CC2D1A: variants seen among roughly 807,000 people sequenced by gnomAD.
CC2D1A encodes the protein coiled-coil and C2 domain containing 1A.
In CC2D1A, 68 loss-of-function variants were observed where a neutral mutation model predicts 123.8. The ratio of observed to expected loss-of-function variants is 0.55; its 90% CI spans 0.45 to 0.67. The LOEUF (loss-of-function observed/expected upper bound fraction) is 0.67. Ranked by LOEUF, CC2D1A falls within the 30% of genes least tolerant of loss-of-function variation. The pLI is 0.00. For synonymous variants in CC2D1A, 477 were observed against 528.0 expected, an observed-to-expected ratio of 0.90 and a Z score of 1.32; for missense variants, 1,185 against 1,290.3, an observed-to-expected ratio of 0.92 and a Z score of 1.25.
chr19:13,912,500 A>T (rs748423100), intron 3 of CC2D1A, 28 bp from the exon 4 acceptor site: 1 of 1,613,932 alleles, frequency 6.2e-7, no homozygotes, highest in African/African-American at 1.3e-5. Flanking sequence ...AGGCCCTTAT[A>T]TCCTGCCCTG....
intron 14 of CC2D1A, among the ~76,000 whole-genome samples, 173 bp downstream of exon 14, chr19:13,921,095 A>T (rs2145340571): frequency 6.6e-6 from 1 of 152,336 alleles, no homozygotes; most frequent in African/African-American, 2.4e-5. Context: ...TCTTGCATGT[A>T]CCACCCAGGG....
chr19:13,908,875 T>C (rs979084632), intron 1 of CC2D1A, among the ~76,000 whole-genome samples: 2 of 151,750 alleles, frequency 1.3e-5, no homozygotes, highest in Non-Finnish European at 2.9e-5. Context: ...TCCTTCTTTT[T>C]TTCCTTCCTT....
Position 13,909,978 on chromosome 19 carries a change from C to A in CC2D1A, c.196+20C>A. 6.7e-7 allele frequency: 1 copy of A among 1,503,020 alleles called. No individual in the cohort carries two copies. The highest frequency in any genetic ancestry group is 1.4e-5 in the South Asian group (1 of 73,036). 93.1% of individuals were successfully genotyped at this position (1,503,020 alleles called of 1,614,324 possible). On this transcript the variant is annotated intron_variant, in intron 2 of 28. Coordinates refer to ENST00000318003, the MANE Select transcript of CC2D1A (RefSeq NM_017721.5). ...GCAAAGGTGAGATGGTTAACACACC[C>A]TCAGAACATTTTCTGATCTCCTGCA...
Position 13,929,414 on chromosome 19 carries a change from C to G in CC2D1A, c.2555C>G (p.Ala852Gly). ...ARPLHSLSVL[A>G]FDQERLERKI... Reference sequence around the variant, plus strand: ...CCCCTGCATAGCCTCAGTGTGCTGGCGTTTGACCAAGAGCGTCTGGAGCGG... The same window carrying G: ...CCCCTGCATAGCCTCAGTGTGCTGGGGTTTGACCAAGAGCGTCTGGAGCGG... Residue 852 changes from alanine to glycine, a missense_variant, in exon 25 of 29, where the codon GCG becomes GGG. Ala to Gly is a moderately conservative substitution (Grantham distance 60, BLOSUM62 0). Transcript: ENST00000318003. The G allele has an allele frequency of 6.2e-7, 1 of 1,613,490 alleles. No homozygotes were observed. The highest frequency in any genetic ancestry group is 1.1e-5 in the South Asian group (1 of 91,068).
chr19:13,907,947 A>G (rs773238793), intron 1 of CC2D1A, among the ~76,000 whole-genome samples: 1 of 152,206 alleles, frequency 6.6e-6, no homozygotes, highest in Non-Finnish European at 1.5e-5. Flanking sequence ...ATTGGTCATT[A>G]GCCAAGATAG....
intron 4 of CC2D1A, 61 bp from the exon 5 acceptor site, chr19:13,913,107 G>A: frequency 6.7e-7 from 1 of 1,490,126 alleles, no homozygotes; most frequent in Admixed American, 2.4e-5. Flanking sequence ...ACTGCAGAAG[G>A]GGCTAACAGG....
In CC2D1A at chr19:13,926,982, C is replaced by G. The variant is rs746319772; in HGVS notation, c.2130C>G (p.Phe710Leu). Residue 710 changes from phenylalanine (F) to leucine (L), a missense_variant, in exon 21 of 29, where the codon TTC (phenylalanine) becomes TTG (leucine). Transcript: ENST00000318003. The stretch of plus-strand genomic sequence containing the variant: ...TCTCCCTCCTTCCTCCTGCAGAGTT[C>G]AAGGAGCAGTTCAAACTCTGCATCA... ...SVIKNTDSPE[F>L]KEQFKLCINR... 6.8e-6 allele frequency: 11 copies of G among 1,613,896 alleles called. No homozygotes were observed. Among genetic ancestry groups the G allele is most frequent in the Non-Finnish European group, 8.5e-6 (10 of 1,179,832 alleles).
chr19:13,913,526 C>A lies in CC2D1A; in HGVS notation c.636C>A (p.Thr212=), dbSNP rs372760536. 7.6e-5 allele frequency: 123 copies of A among 1,614,156 alleles called. 1 individual carries two copies. The African/African-American group carries it at 1.5e-3, about 19-fold the overall frequency. The part of the protein sequence containing the change: ...ASTPTYSPAP[T]QPAPRIASAP... ...CGCCTACCTACAGCCCTGCACCCAC[C>A]CAGCCGGCCCCTAGAATCGCGTCAG... Residue 212 remains threonine, a synonymous_variant, in exon 6 of 29, where the codon ACC becomes ACA. Transcript: ENST00000318003.
chr19:13,925,933 A>AAAAAT (rs1315518981), intron 17 of CC2D1A, among the ~76,000 whole-genome samples: 75 of 91,034 alleles, frequency 8.2e-4, no homozygotes, highest in African/African-American at 4.2e-3. Flanking sequence ...AAAAAAAAAA[A>AAAAAT]ATATATATAT....
chr19:13,909,581 G>A, intron 1 of CC2D1A: 1 of 575,336 alleles, frequency 1.7e-6, no homozygotes, highest in South Asian at 1.6e-5. Flanking sequence ...CATCATAAGT[G>A]TGGATTCAGA....
At chr19:13,921,505 C>T (rs888024324) in intron 14 of CC2D1A, among the ~76,000 whole-genome samples, 2 of 152,086 alleles carry the variant, frequency 1.3e-5, no homozygotes, top group African/African-American at 2.4e-5. Context: ...GATGGCCACC[C>T]CTGCCTCAAA....
At chr19:13,912,026 T>A (rs764709854) in intron 2 of CC2D1A, among the ~76,000 whole-genome samples, 37 of 152,078 alleles carry the variant, frequency 2.4e-4, no homozygotes, top group Non-Finnish European at 4.1e-4. Context: ...AATTTTTGTA[T>A]TTTTAGTAGA....
chr19:13,918,781 C>T lies in CC2D1A; in HGVS notation c.982C>T (p.Gln328Ter). The T allele has an allele frequency of 6.2e-7, 1 of 1,613,488 alleles. No homozygotes were observed. Among genetic ancestry groups the T allele is most frequent in the Non-Finnish European group, 8.5e-7 (1 of 1,179,748 alleles). ...CCCAGACCCACCGTCACCACCGTCG[C>T]AGCCTCCGACCCCCGCTACGGCGCC... is the stretch of plus-strand genomic sequence containing the variant. ...LPPDPPSPPS[Q>*]PPTPATAPST... The change falls in exon 9 of 29, where the codon CAG (glutamine) becomes TAG (stop). Residue 328 changes from glutamine to a stop codon, truncating the protein, a stop_gained. Transcript: ENST00000318003. LOFTEE classifies it high-confidence loss of function.
intron 24 of CC2D1A, among the ~76,000 whole-genome samples, chr19:13,928,439 A>G (rs957381555): frequency 1.3e-5 from 2 of 151,932 alleles, no homozygotes; most frequent in African/African-American, 4.8e-5. Context: ...ATGTCCATGA[A>G]TAGTTTTCAC....
At chr19:13,910,122 G>A (rs1970946646) in intron 2 of CC2D1A, among the ~76,000 whole-genome samples, 164 bp downstream of exon 2, 1 of 151,956 alleles carries the variant, frequency 6.6e-6, no homozygotes, top group Admixed American at 6.6e-5. Context: ...TCTGAGGCCG[G>A]GCACGGTGGC....
rs1210738190 is a variant in CC2D1A at position 13,925,933 on chromosome 19, A to AATATAT, written c.1941-562_1941-557dup. ...AGACTCTGTCTAAAAAAAAAAAAAA[A>AATATAT]ATATATATATATATATATATATATA... On this transcript the variant is annotated intron_variant, in intron 17 of 28. Coordinates refer to ENST00000318003, the MANE Select transcript of CC2D1A (RefSeq NM_017721.5). Among the ~76,000 whole-genome samples, 43 of 91,034 alleles carry AATATAT rather than the reference A, an allele frequency of 4.7e-4. No individual in the cohort carries two copies. In the East Asian group the frequency reaches 6.8e-3, roughly 14 times the overall value. The allele number at this position is 91,034 out of a possible 152,430, so 59.7% of individuals were successfully genotyped here. A position where few individuals can be genotyped will look rare whatever the true frequency, so the allele number is the denominator to read the frequency against.
rs774782008 is a variant in CC2D1A, at chr19:13,912,435, G to A, written c.309G>A (p.Leu103=). The change falls in exon 3 of 29, where the codon CTG becomes CTA. Residue 103 remains leucine, a synonymous_variant. Coordinates refer to ENST00000318003, the MANE Select transcript of CC2D1A (RefSeq NM_017721.5). ...ACGACTTGGAGGCTGATGATGACCT[G>A]CTGGTGAGCACTGAGGGCGGGGTGG... is the stretch of plus-strand genomic sequence containing the variant. ...DEDDLEADDD[L]LAELNEVLGE... is the part of the protein sequence containing the mutation. 6.2e-7 allele frequency: 1 copy of A among 1,613,880 alleles called. No homozygotes were observed. Among genetic ancestry groups the A allele is most frequent in the South Asian group, 1.1e-5 (1 of 91,044 alleles).
chr19:13,929,636 CA>C lies in CC2D1A; in HGVS notation c.2687del (p.Gln896ArgfsTer47). The part of the protein sequence containing the change: ...RSQWQRAQLE[Q>X]GGVGIRREYA... Reference sequence around the variant, plus strand: ...CCAGTGGCAGAGGGCACAGCTGGAGCAGGGGGGTGTGGGCATCCGACGGGGT... The same window carrying C: ...CCAGTGGCAGAGGGCACAGCTGGAGCGGGGGGTGTGGGCATCCGACGGGGT... On this transcript the variant is annotated frameshift_variant, in exon 26 of 29. Transcript: ENST00000318003. LOFTEE classifies it high-confidence loss of function. 1 of 1,553,064 alleles carries C rather than the reference CA, an allele frequency of 6.4e-7. No homozygotes were observed. The highest frequency in any genetic ancestry group is 8.7e-7 in the Non-Finnish European group (1 of 1,155,344).
intron 17 of CC2D1A, among the ~76,000 whole-genome samples, chr19:13,925,996 G>GTGTGTATATATATATATACGTATATATA (rs1192143675): frequency 5.8e-4 from 61 of 106,066 alleles, no homozygotes; most frequent in African/African-American, 1.2e-3. Flanking sequence ...ATACATATAT[G>GTGTGTATATATATATATACGTATATATA]TGTGTATATA....
Sources: allele counts gnomAD v4.1 joint callset (sites outside exome capture counted in the v4.1 genomes callset), GRCh38; gene constraint gnomAD v4.1.1; transcripts MANE v1.5; gene names NCBI Gene and HGNC (gene_info 2026-07-23, HGNC 2026-07-21).